The following KDM5B variants were observed in gnomAD, a reference collection of about 807,000 sequenced individuals.
KDM5B encodes the protein lysine demethylase 5B.
A neutral mutation model predicts 193.4 loss-of-function variants in KDM5B; 144 were observed. The observed-to-expected ratio is 0.74, with a 90% CI of 0.65 to 0.86. The LOEUF is 0.86. Among genes scored for constraint, KDM5B ranks in the 40% least tolerant of loss-of-function variants. KDM5B has a pLI of 0.00. For missense variants in KDM5B, 1,833 were observed against 1,886.9 expected (o/e 0.97, Z 0.53); for synonymous variants, 668 against 682.6 (o/e 0.98, Z 0.33).
In KDM5B at chr1:202,760,672, T is replaced by C. The variant is rs962616011; in HGVS notation, c.919-99A>G. ...AATGGATCTGAGACATAATCTAGTC[T>C]CTACATCCTGCTACAAATGCTTCAA... On this transcript the variant is annotated intron_variant, in intron 7 of 26. Coordinates refer to ENST00000367265, the MANE Select transcript of KDM5B (RefSeq NM_006618.5). 1.8e-5 allele frequency: 14 copies of C among 772,974 alleles called. No individual in the cohort carries two copies. In the Admixed American group the frequency reaches 4.5e-4, roughly 25 times the overall value. 47.9% of individuals were successfully genotyped at this position (772,974 alleles called of 1,614,324 possible). A position where few individuals can be genotyped will look rare whatever the true frequency, so the allele number is the denominator to read the frequency against.
intron 24 of KDM5B, 77 bp downstream of exon 24, chr1:202,731,751 A>G: frequency 9.3e-7 from 1 of 1,075,392 alleles, no homozygotes; most frequent in Non-Finnish European, 1.4e-6. Context: ...ATGGTACTTG[A>G]TCATCTATAA....
chr1:202,755,797 G>C (rs935431157), intron 10 of KDM5B, among the ~76,000 whole-genome samples: 1 of 152,148 alleles, frequency 6.6e-6, no homozygotes, highest in Non-Finnish European at 1.5e-5. Context: ...CGTCCTGAAA[G>C]AGGAAAAGTA....
intron 4 of KDM5B, among the ~76,000 whole-genome samples, chr1:202,769,040 CTTT>C (rs527911947): frequency 1.7e-5 from 2 of 119,580 alleles, no homozygotes; most frequent in Admixed American, 8.8e-5. Context: ...CTTTTTTTTT[CTTT>C]TTTTTTTTTT....
rs190066014 is a variant in KDM5B at position 202,762,592 on chromosome 1, T to C, written c.918+107A>G. 6.1e-5 allele frequency: 43 copies of C among 707,290 alleles called. No homozygotes were observed. The Middle Eastern group carries it at 1.7e-3, about 29-fold the overall frequency. 43.8% of individuals were successfully genotyped at this position (707,290 alleles called of 1,614,324 possible). A position where few individuals can be genotyped will look rare whatever the true frequency, so the allele number is the denominator to read the frequency against. ...TGTCAGACACTAAGTTAAACAATCT[T>C]ATTTAAGGTACAAATTTAAGTTTAA... On this transcript the variant is annotated intron_variant, in intron 7 of 26. Coordinates refer to ENST00000367265, the MANE Select transcript of KDM5B (RefSeq NM_006618.5).
intron 23 of KDM5B, among the ~76,000 whole-genome samples, chr1:202,732,614 C>G (rs1360283845): frequency 8.6e-6 from 1 of 116,790 alleles, no homozygotes; most frequent in African/African-American, 2.5e-5. Context: ...ACAAATATGA[C>G]AGACTGTTTT....
intron 5 of KDM5B, chr1:202,766,560 C>CT (rs1656470135): frequency 2.4e-6 from 1 of 421,522 alleles, no homozygotes; most frequent in Non-Finnish European, 4.5e-6. Flanking sequence ...TCTAACCACT[C>CT]TGTTTAAAAA....
chr1:202,728,905 TA>T lies in KDM5B; in HGVS notation c.*130del. On this transcript the variant is annotated 3_prime_UTR_variant, in exon 27 of 27. Coordinates refer to ENST00000367265, the MANE Select transcript of KDM5B (RefSeq NM_006618.5). Reference sequence around the variant, plus strand: ...AAAGAGTCCTGGAAAAATGATCCCATAAGGAATAGAAATAGCACCGTTTACA... The same window carrying T: ...AAAGAGTCCTGGAAAAATGATCCCATAGGAATAGAAATAGCACCGTTTACA... 1 of 1,011,248 alleles carries T rather than the reference TA, an allele frequency of 9.9e-7. No individual in the cohort carries two copies. The highest frequency in any genetic ancestry group is 1.4e-6 in the Non-Finnish European group (1 of 694,332). The allele number at this position is 1,011,248 out of a possible 1,614,324, so 62.6% of individuals were successfully genotyped here.
chr1:202,755,202 T>A, intron 11 of KDM5B, 69 bp downstream of exon 11: 1 of 1,196,652 alleles, frequency 8.4e-7, no homozygotes, highest in Non-Finnish European at 1.2e-6. Context: ...AAGACACATC[T>A]GCACTGAAAA....
Position 202,755,296 on chromosome 1 carries a change from T to C in KDM5B, c.1513A>G (p.Ser505Gly). Residue 505 changes from serine to glycine, a missense_variant, in exon 11 of 27, where the codon AGC (serine) becomes GGC (glycine). This residue lies in a region of KDM5B where 1,379 missense variants were observed against 1,349.6 expected (regional missense o/e 1.02). Coordinates refer to ENST00000367265, the MANE Select transcript of KDM5B (RefSeq NM_006618.5). ...SFCWHIEDHW[S>G]YSINYLHWGE... The stretch of plus-strand genomic sequence containing the variant: ...CAGTGCAAGTAGTTAATTGAATAGC[T>C]CCAGTGGTCTTCAATGTGCCAACAG... 6.2e-7 allele frequency: 1 copy of C among 1,614,060 alleles called. No homozygotes were observed. The highest frequency in any genetic ancestry group is 8.5e-7 in the Non-Finnish European group (1 of 1,179,960).
At position 202,808,139 on chromosome 1, in the gene KDM5B, G is replaced by C. The variant is rs1041690381; in HGVS notation, c.167C>G (p.Ala56Gly). 2.5e-6 allele frequency: 4 copies of C among 1,612,804 alleles called. No homozygotes were observed. Among genetic ancestry groups the C allele is most frequent in the Non-Finnish European group, 8.5e-7 (1 of 1,179,514 alleles). ...CACCTTACAGATGCCAGTCTGCTCG[G>C]CTATGGGCCGGATCTTGTGGATGAA... The part of the protein sequence containing the change: ...FAFIHKIRPI[A>G]EQTGICKVRP... The change falls in exon 1 of 27, where the codon GCC becomes GGC. Residue 56 changes from alanine (A) to glycine (G), a missense_variant. Coordinates refer to ENST00000367265, the MANE Select transcript of KDM5B (RefSeq NM_006618.5).
chr1:202,789,047 C>T (rs530689051), intron 1 of KDM5B, among the ~76,000 whole-genome samples: 3 of 152,104 alleles, frequency 2.0e-5, no homozygotes, highest in African/African-American at 7.2e-5. Context: ...ACATCCCACA[C>T]CCTAACTTTA....
intron 1 of KDM5B, 62 bp downstream of exon 1, chr1:202,808,040 C>G: frequency 6.4e-7 from 1 of 1,552,268 alleles, no homozygotes; most frequent in South Asian, 1.2e-5. Flanking sequence ...CCTCCCCGGA[C>G]CCGCGCGTCC....
intron 1 of KDM5B, among the ~76,000 whole-genome samples, chr1:202,804,094 A>G (rs1008624138): frequency 7.9e-5 from 12 of 151,350 alleles, no homozygotes; most frequent in Admixed American, 6.6e-4. Context: ...TAAAAAAAGG[A>G]AAAAAAAAGT....
At chr1:202,799,279 A>G (rs1222846482) in intron 1 of KDM5B, among the ~76,000 whole-genome samples, 1 of 152,160 alleles carries the variant, frequency 6.6e-6, no homozygotes, top group Non-Finnish European at 1.5e-5. Context: ...AACTAGATTG[A>G]AGACTCTACC....
Sources: gnomAD v4.1 joint callset for allele counts (sites outside exome capture counted in the v4.1 genomes callset) on GRCh38, gnomAD v4.1.1 for gene constraint, gnomAD v4.1.1 regional missense constraint, MANE v1.5 for transcripts, NCBI Gene and HGNC (gene_info 2026-07-23, HGNC 2026-07-21) for gene names.